MEMO1: variants seen among roughly 807,000 people sequenced by gnomAD.
MEMO1 encodes mediator of cell motility 1.
In MEMO1, 6 loss-of-function variants were observed where a neutral mutation model predicts 45.2. The observed-to-expected ratio is 0.13, with a 90% CI of 0.07 to 0.26. The LOEUF is 0.26. MEMO1 is among the 10% of genes least tolerant of loss of function. The pLI, the probability that MEMO1 is intolerant of heterozygous loss-of-function variation, is 1.00. For missense variants in MEMO1, 184 were observed against 370.5 expected, an observed-to-expected ratio of 0.50 and a Z score of 4.13; for synonymous variants, 78 against 124.3, an observed-to-expected ratio of 0.63 and a Z score of 2.48.
intron 6 of MEMO1, among the ~76,000 whole-genome samples, chr2:31,895,117 T>C (rs1677557517): frequency 6.6e-6 from 1 of 152,134 alleles, no homozygotes; most frequent in African/African-American, 2.4e-5. Flanking sequence ...TGAAAGTTCC[T>C]AATAAATAAA....
intron 3 of MEMO1, among the ~76,000 whole-genome samples, chr2:31,935,866 A>G (rs79030701): frequency 0.089 from 13,507 of 152,248 alleles, 854 homozygotes; most frequent in Non-Finnish European, 0.12. Context: ...TCTTTTGTGC[A>G]TAACAGCCAA....
intron 3 of MEMO1, among the ~76,000 whole-genome samples, chr2:31,940,145 T>A (rs967573685): frequency 1.3e-5 from 2 of 152,156 alleles, no homozygotes; most frequent in Non-Finnish European, 2.9e-5. Context: ...TTTGCAAATG[T>A]TCATCTTTAT....
intron 9 of MEMO1, among the ~76,000 whole-genome samples, chr2:31,868,881 A>C (rs1673258463): frequency 1.3e-5 from 2 of 152,214 alleles, no homozygotes; most frequent in Non-Finnish European, 2.9e-5. Flanking sequence ...AATGTATACA[A>C]ATTAAAATCC....
At chr2:31,989,769 TAG>T (rs1671716527) in intron 2 of MEMO1, among the ~76,000 whole-genome samples, 1 of 152,216 alleles carries the variant, frequency 6.6e-6, no homozygotes, top group Non-Finnish European at 1.5e-5. Flanking sequence ...CTACCGCATG[TAG>T]AGTTTCAGTA....
chr2:31,884,616 G>C (rs961301455), intron 7 of MEMO1, among the ~76,000 whole-genome samples: 1 of 152,112 alleles, frequency 6.6e-6, no homozygotes, highest in Admixed American at 6.5e-5. Flanking sequence ...GTCCTTTTCT[G>C]AAAAACCACA....
At chr2:31,996,270 T>C (rs1022917729) in intron 2 of MEMO1, among the ~76,000 whole-genome samples, 9 of 151,482 alleles carry the variant, frequency 5.9e-5, no homozygotes, top group Middle Eastern at 3.4e-3. Flanking sequence ...AAAAGAGGCA[T>C]GGCACGGTGG....
At chr2:31,925,359 C>T (rs1682924927) in intron 4 of MEMO1, among the ~76,000 whole-genome samples, 1 of 151,258 alleles carries the variant, frequency 6.6e-6, no homozygotes, top group Admixed American at 6.6e-5. Flanking sequence ...GCCTGTAATC[C>T]CAGCTACTCA....
intron 2 of MEMO1, among the ~76,000 whole-genome samples, chr2:31,996,925 GGAACACTCACCAAGACTGAACATA>G (rs996645662): frequency 6.6e-6 from 1 of 152,106 alleles, no homozygotes; most frequent in Non-Finnish European, 1.5e-5. Flanking sequence ...AAAAGAACAT[GGAACACTCACCAAGACTGAACATA>G]GAACACTCGC....
rs182027845 is a variant in MEMO1, at chr2:31,971,830, C to T, written c.62-28447G>A. 1.6e-3 allele frequency among the ~76,000 whole-genome samples: 242 copies of T among 152,136 alleles called. 1 individual carries two copies. Among genetic ancestry groups the T allele is most frequent in the African/African-American group, 5.4e-3 (224 of 41,532 alleles). Reference sequence around the variant, plus strand: ...ACTAAAAATATAAAACTTAGCCAGGCGTGGTGGCACACACCTATAATCCCA... The same window carrying T: ...ACTAAAAATATAAAACTTAGCCAGGTGTGGTGGCACACACCTATAATCCCA... On this transcript the variant is annotated intron_variant, in intron 2 of 9. Coordinates refer to ENST00000404530, the MANE Select transcript of MEMO1 (RefSeq NM_001301833.4).
At chr2:31,920,727 T>C in intron 5 of MEMO1, 71 bp downstream of exon 5, 1 of 845,732 alleles carries the variant, frequency 1.2e-6, no homozygotes, top group East Asian at 3.0e-5. Context: ...TCATAAGTTT[T>C]TAAATTAATT....
chr2:31,982,676 T>C (rs1670794050), intron 2 of MEMO1, among the ~76,000 whole-genome samples: 1 of 151,894 alleles, frequency 6.6e-6, no homozygotes, highest in Non-Finnish European at 1.5e-5. Flanking sequence ...GATTAGAAAT[T>C]GTAACGCTAA....
At chr2:31,995,036 T>C (rs1326217695) in intron 2 of MEMO1, among the ~76,000 whole-genome samples, 1 of 151,344 alleles carries the variant, frequency 6.6e-6, no homozygotes, top group African/African-American at 2.4e-5. Context: ...CAGGCAAACA[T>C]GACCAATAAA....
intron 2 of MEMO1, among the ~76,000 whole-genome samples, chr2:31,994,442 C>T (rs557871802): frequency 3.3e-4 from 49 of 149,932 alleles, no homozygotes; most frequent in African/African-American, 1.2e-3. Context: ...CCAACCTGGC[C>T]AACATGGTGA....
intron 4 of MEMO1, among the ~76,000 whole-genome samples, chr2:31,921,900 A>G (rs1682368439): frequency 1.3e-5 from 2 of 152,196 alleles, no homozygotes; most frequent in Admixed American, 6.5e-5. Flanking sequence ...GCTAAAGTGT[A>G]GCTTAAATCT....
At chr2:31,872,537 C>T (rs1477054170) in intron 8 of MEMO1, among the ~76,000 whole-genome samples, 1 of 152,102 alleles carries the variant, frequency 6.6e-6, no homozygotes, top group African/African-American at 2.4e-5. Flanking sequence ...AAACTAATCA[C>T]ATTTCAGAAG....
intron 2 of MEMO1, 150 bp from the exon 3 acceptor site, chr2:31,943,533 A>G: frequency 1.5e-6 from 1 of 660,936 alleles, no homozygotes; most frequent in Non-Finnish European, 2.7e-6. Context: ...GTTTGAATTT[A>G]CCAACTACAC....
intron 2 of MEMO1, among the ~76,000 whole-genome samples, chr2:31,980,459 A>C (rs1052819626): frequency 1.3e-5 from 2 of 151,996 alleles, no homozygotes. Flanking sequence ...TAATTTTTAG[A>C]TTTTTTTTAT....
At chr2:31,930,635 A>C (rs1664034819) in intron 4 of MEMO1, among the ~76,000 whole-genome samples, 1 of 151,866 alleles carries the variant, frequency 6.6e-6, no homozygotes, top group Non-Finnish European at 1.5e-5. Context: ...CAAATGAAAG[A>C]AGCTTATAAA....
chr2:31,966,021 G>A (rs538877770), intron 2 of MEMO1, among the ~76,000 whole-genome samples: 1 of 152,214 alleles, frequency 6.6e-6, no homozygotes, highest in East Asian at 1.9e-4. Flanking sequence ...TTTATATGGA[G>A]TGGTTAAGCA....
Sources: gnomAD v4.1 joint callset for allele counts (sites outside exome capture counted in the v4.1 genomes callset) on GRCh38, gnomAD v4.1.1 for gene constraint, MANE v1.5 for transcripts, NCBI Gene and HGNC (gene_info 2026-07-23, HGNC 2026-07-21) for gene names.